Variants in CNTN1 observed in about 807,000 individuals in gnomAD.
CNTN1 encodes the protein contactin 1, also known as contactin-1.
CNTN1 carries 38 observed loss-of-function variants against 126.4 expected under a neutral mutation model. The ratio of observed to expected loss-of-function variants is 0.30; its 90% confidence interval spans 0.23 to 0.39. CNTN1 has a LOEUF of 0.39. CNTN1 is among the 10% of genes least tolerant of loss of function. CNTN1 has a pLI of 1.00. For missense variants in CNTN1, 1,009 were observed against 1,248.4 expected (o/e 0.81, Z 2.89); for synonymous variants, 413 against 422.6 (o/e 0.98, Z 0.28).
intron 14 of CNTN1, among the ~76,000 whole-genome samples, chr12:40,955,271 A>G (rs1946832937): frequency 1.3e-5 from 2 of 152,072 alleles, no homozygotes; most frequent in South Asian, 4.1e-4. Context: ...ACCTTCTAGA[A>G]GCTGAGGGCA....
chr12:40,780,213 G>C (rs974285593), intron 1 of CNTN1, among the ~76,000 whole-genome samples: 1 of 151,836 alleles, frequency 6.6e-6, no homozygotes, highest in Non-Finnish European at 1.5e-5. Flanking sequence ...TGCTACAATT[G>C]TACAGGATGA....
chr12:41,032,825 G>A (rs775377280), intron 23 of CNTN1, among the ~76,000 whole-genome samples: 5 of 152,156 alleles, frequency 3.3e-5, no homozygotes, highest in Non-Finnish European at 5.9e-5. Context: ...TTGAAGCTAA[G>A]CTCCATGGGA....
chr12:40,829,695 G>A (rs146447693), intron 1 of CNTN1, among the ~76,000 whole-genome samples: 1 of 152,224 alleles, frequency 6.6e-6, no homozygotes, highest in African/African-American at 2.4e-5. Context: ...TTAGGTATAA[G>A]AGGAAACTCA....
At chr12:40,955,957 T>C (rs1337427399) in intron 14 of CNTN1, among the ~76,000 whole-genome samples, 5 of 152,058 alleles carry the variant, frequency 3.3e-5, no homozygotes, top group African/African-American at 4.8e-5. Context: ...CCCTATTCAC[T>C]GTGGCTGGGG....
Position 41,058,657 on chromosome 12 carries a change from AC to A in CNTN1, c.2981-11301del, listed in dbSNP as rs371610603. Among the ~76,000 whole-genome samples, 44 of 152,280 alleles carry A rather than the reference AC, an allele frequency of 2.9e-4. No homozygotes were observed. In the East Asian group the frequency reaches 6.9e-3, roughly 24 times the overall value. The stretch of plus-strand genomic sequence containing the variant: ...AAATTTCAAGGTTTAACACCATGAA[AC>A]TATGACTAAGGATGAGCCTTTTCAG... On this transcript the variant is annotated intron_variant, in intron 23 of 23. Transcript: ENST00000551295.
intron 1 of CNTN1, among the ~76,000 whole-genome samples, chr12:40,819,336 G>T (rs73116775): frequency 2.0e-5 from 3 of 152,248 alleles, no homozygotes; most frequent in East Asian, 1.9e-4. Flanking sequence ...CTCACTAGGG[G>T]CTCAGATCCA....
chr12:40,775,928 C>T (rs944638989), intron 1 of CNTN1, among the ~76,000 whole-genome samples: 1 of 151,550 alleles, frequency 6.6e-6, no homozygotes, highest in African/African-American at 2.4e-5. Context: ...TGCATAGTTA[C>T]TTCATGAGTC....
intron 2 of CNTN1, among the ~76,000 whole-genome samples, chr12:40,909,702 C>A (rs1211829622): frequency 6.6e-6 from 1 of 151,378 alleles, no homozygotes; most frequent in East Asian, 1.9e-4. Flanking sequence ...GGTAATTATG[C>A]ACACACACCC....
At chr12:40,885,370 T>C (rs1294510730) in intron 1 of CNTN1, among the ~76,000 whole-genome samples, 1 of 151,960 alleles carries the variant, frequency 6.6e-6, no homozygotes, top group Admixed American at 6.6e-5. Context: ...AAGAACACCA[T>C]TTTTTATGAA....
At chr12:40,694,998 C>G (rs1033532023) in intron 1 of CNTN1, among the ~76,000 whole-genome samples, 1 of 152,164 alleles carries the variant, frequency 6.6e-6, no homozygotes, top group African/African-American at 2.4e-5. Context: ...ATGGTTCTAA[C>G]AAAACGATCA....
At chr12:40,856,207 T>G (rs1005817513) in intron 1 of CNTN1, among the ~76,000 whole-genome samples, 3 of 152,136 alleles carry the variant, frequency 2.0e-5, no homozygotes, top group Non-Finnish European at 4.4e-5. Flanking sequence ...TGGAAGGATT[T>G]GTATGCCCTC....
rs76296422 is a variant in CNTN1, at chr12:41,038,869, G to T, written c.2980+9650G>T. On this transcript the variant is annotated intron_variant, in intron 23 of 23. Transcript: ENST00000551295. ...CTGTTTTCACTAAGAGTGCAGGGAG[G>T]GGCTTATTCTGATAAGGAAATGCTT... Among the ~76,000 whole-genome samples, 155 of 151,834 alleles carry T rather than the reference G, an allele frequency of 1.0e-3. 1 individual carries two copies. The highest frequency in any genetic ancestry group is 3.7e-3 in the African/African-American group (152 of 41,406).
chr12:40,787,236 G>A lies in CNTN1; in HGVS notation c.-77+94644G>A, dbSNP rs117914741. On this transcript the variant is annotated intron_variant, in intron 1 of 23. Coordinates refer to ENST00000551295, the MANE Select transcript of CNTN1 (RefSeq NM_001843.4). ...ATAACTTTTATCTTATATAATTTTC[G>A]AACAATTCCATGGTCTCTCCTAAAT... Among the ~76,000 whole-genome samples, 166 of 151,422 alleles carry A rather than the reference G, an allele frequency of 1.1e-3. 1 individual carries two copies. Among genetic ancestry groups the A allele is most frequent in the African/African-American group, 3.7e-3 (152 of 41,238 alleles).
chr12:40,722,874 T>C (rs1942253400), intron 1 of CNTN1, among the ~76,000 whole-genome samples: 2 of 152,158 alleles, frequency 1.3e-5, no homozygotes. Flanking sequence ...AAAATTTTCA[T>C]GAGAGCCCTC....
intron 15 of CNTN1, among the ~76,000 whole-genome samples, chr12:40,963,336 T>C (rs1049231038): frequency 6.6e-6 from 1 of 152,082 alleles, no homozygotes; most frequent in African/African-American, 2.4e-5. Flanking sequence ...TAGAAGATTT[T>C]AGTGAAAGTT....
intron 1 of CNTN1, among the ~76,000 whole-genome samples, chr12:40,815,007 G>A (rs1397299025): frequency 6.6e-6 from 1 of 151,960 alleles, no homozygotes; most frequent in Non-Finnish European, 1.5e-5. Context: ...TCTGTTATTT[G>A]TGTCTACCCT....
intron 1 of CNTN1, among the ~76,000 whole-genome samples, chr12:40,842,910 G>A (rs1191929735): frequency 1.3e-5 from 2 of 151,964 alleles, no homozygotes; most frequent in African/African-American, 2.4e-5. Context: ...TTTTAATGAC[G>A]AAAATGTGTC....
At chr12:40,769,416 A>G (rs1446897166) in intron 1 of CNTN1, among the ~76,000 whole-genome samples, 1 of 152,192 alleles carries the variant, frequency 6.6e-6, no homozygotes, top group African/African-American at 2.4e-5. Context: ...GCAGACTATG[A>G]AGTGCATCTT....
chr12:40,943,786 G>A, intron 13 of CNTN1, 62 bp downstream of exon 13: 4 of 1,566,432 alleles, frequency 2.6e-6, no homozygotes, highest in Non-Finnish European at 3.5e-6. Flanking sequence ...TCAGCACTAA[G>A]CATCTAAACA....
Sources: allele counts gnomAD v4.1 joint callset (sites outside exome capture counted in the v4.1 genomes callset), GRCh38; gene constraint gnomAD v4.1.1; transcripts MANE v1.5; gene names NCBI Gene and HGNC (gene_info 2026-07-23, HGNC 2026-07-21).